Variants in CRB2 observed in about 807,000 individuals in gnomAD.
The protein encoded by CRB2 is protein crumbs homolog 2.
In CRB2, 85 loss-of-function variants were observed where a neutral mutation model predicts 110.9. The ratio of observed to expected loss-of-function variants is 0.77; its 90% CI spans 0.64 to 0.92. The LOEUF (loss-of-function observed/expected upper bound fraction) is 0.92, where lower values mean the gene tolerates loss of function less well. Ranked by LOEUF, CRB2 falls within the 40% of genes least tolerant of loss-of-function variation. The pLI is 0.00. For missense variants in CRB2, 1,843 were observed against 1,851.3 expected (o/e 1.00, Z 0.08); for synonymous variants, 907 against 831.0 (o/e 1.09, Z -1.57).
In CRB2 at chr9:123,373,775, T is replaced by G. The variant is rs1425817084; in HGVS notation, c.3244T>G (p.Cys1082Gly). The part of the protein sequence containing the change: ...RDLFDAFACA[C>G]GPGWEGPRCE... ...CCTCTTCGACGCCTTTGCCTGCGCCTGCGGCCCGGGGTGGGAAGGCCCGCG... is the reference window on the plus strand; with the variant it reads ...CCTCTTCGACGCCTTTGCCTGCGCCGGCGGCCCGGGGTGGGAAGGCCCGCG... Residue 1082 changes from cysteine to glycine, a missense_variant, in exon 10 of 13, where the codon TGC becomes GGC. Physicochemically the swap from Cys to Gly is radical, Grantham distance 159. Coordinates refer to ENST00000373631, the MANE Select transcript of CRB2 (RefSeq NM_173689.7). The G allele has an allele frequency of 6.3e-7, 1 of 1,590,880 alleles. No individual in the cohort carries two copies. Among genetic ancestry groups the G allele is most frequent in the East Asian group, 2.3e-5 (1 of 44,052 alleles).
At chr9:123,358,063 C>T (rs959072750) in intron 1 of CRB2, among the ~76,000 whole-genome samples, 1 of 152,206 alleles carries the variant, frequency 6.6e-6, no homozygotes. Flanking sequence ...CCTGGGGATC[C>T]CTAAAAGTTG....
intron 6 of CRB2, chr9:123,369,064 G>A (rs2041978200): frequency 1.4e-6 from 1 of 719,754 alleles, no homozygotes; most frequent in Non-Finnish European, 1.8e-6. Context: ...GACTTCTCTG[G>A]GCCTGGGTTC....
rs770602267 is a variant in CRB2, at chr9:123,366,129, G to T, written c.614+17G>T. 2 of 1,404,738 alleles carry T rather than the reference G, an allele frequency of 1.4e-6. No individual in the cohort carries two copies. Among genetic ancestry groups the T allele is most frequent in the South Asian group, 3.1e-5 (2 of 63,540 alleles). 87.0% of individuals were successfully genotyped at this position (1,404,738 alleles called of 1,614,324 possible). A position where few individuals can be genotyped will look rare whatever the true frequency, so the allele number is the denominator to read the frequency against. On this transcript the variant is annotated intron_variant, in intron 3 of 12. Transcript: ENST00000373631. ...GGTCAACGGGTGAGCGAGCGGCGGG[G>T]CAGGCGGCAGGGGCGCCGGGTGCCC...
In CRB2 at chr9:123,377,092, G is replaced by A; in HGVS notation, c.*30G>A. Reference sequence around the variant, plus strand: ...GCCTGGCTGCTGGCACCAGCACCTGGAGGTCCTGAATGGTTTCTACCTGGA... The same window carrying A: ...GCCTGGCTGCTGGCACCAGCACCTGAAGGTCCTGAATGGTTTCTACCTGGA... On this transcript the variant is annotated 3_prime_UTR_variant, in exon 13 of 13. Transcript: ENST00000373631. The A allele has an allele frequency of 3.3e-6, 5 of 1,502,944 alleles. No individual in the cohort carries two copies. Among genetic ancestry groups the A allele is most frequent in the Non-Finnish European group, 4.5e-6 (5 of 1,122,382 alleles). The allele number at this position is 1,502,944 out of a possible 1,614,324, so 93.1% of individuals were successfully genotyped here.
chr9:123,365,116 A>G (rs2041914154), intron 2 of CRB2, among the ~76,000 whole-genome samples: 1 of 152,088 alleles, frequency 6.6e-6, no homozygotes, highest in South Asian at 2.1e-4. Context: ...TACAAAAATT[A>G]GCCGGGTGAG....
At position 123,373,772 on chromosome 9, in the gene CRB2, G is replaced by A. The variant is rs761238558; in HGVS notation, c.3241G>A (p.Ala1081Thr). ...TGACCTCTTCGACGCCTTTGCCTGC[G>A]CCTGCGGCCCGGGGTGGGAAGGCCC... ...CRDLFDAFAC[A>T]CGPGWEGPRC... Residue 1081 changes from alanine to threonine, a missense_variant, in exon 10 of 13, where the codon GCC becomes ACC. Ala to Thr is a moderately conservative substitution (Grantham distance 58). Transcript: ENST00000373631. 4.4e-6 allele frequency: 7 copies of A among 1,590,476 alleles called. No individual in the cohort carries two copies. Among genetic ancestry groups the A allele is most frequent in the African/African-American group, 4.1e-5 (3 of 73,438 alleles).
chr9:123,366,207 C>T lies in CRB2; in HGVS notation c.615-20C>T, dbSNP rs1395203128. On this transcript the variant is annotated intron_variant, in intron 3 of 12. Coordinates refer to ENST00000373631, the MANE Select transcript of CRB2 (RefSeq NM_173689.7). The stretch of plus-strand genomic sequence containing the variant: ...GAAGGGGCAGGCGCGCGCTCAGCTC[C>T]GCCGGTGCGCCCTCCCCAGGTTCCG... The T allele has an allele frequency of 1.4e-6, 2 of 1,407,438 alleles. No homozygotes were observed. The highest frequency in any genetic ancestry group is 1.8e-6 in the Non-Finnish European group (2 of 1,090,984). 87.2% of individuals were successfully genotyped at this position (1,407,438 alleles called of 1,614,324 possible). A position where few individuals can be genotyped will look rare whatever the true frequency, so the allele number is the denominator to read the frequency against.
At position 123,363,150 on chromosome 9, in the gene CRB2, C is replaced by A; in HGVS notation, c.380C>A (p.Ala127Asp). The change falls in exon 2 of 13, where the codon GCC becomes GAC. Residue 127 changes from alanine (A) to aspartate (D), a missense_variant. Coordinates refer to ENST00000373631, the MANE Select transcript of CRB2 (RefSeq NM_173689.7). ...CATGGGGCCACCTGCCGCAACCTGG[C>A]CGATCGCTACGAGTGCCATTGCCCC... Reference protein sequence around the residue: ...CHHGATCRNLADRYECHCPLG... With the variant: ...CHHGATCRNLDDRYECHCPLG... 1 of 1,610,364 alleles carries A rather than the reference C, an allele frequency of 6.2e-7. No individual in the cohort carries two copies. Among genetic ancestry groups the A allele is most frequent in the East Asian group, 2.2e-5 (1 of 44,836 alleles).
chr9:123,372,137 C>T, intron 8 of CRB2, 40 bp from the exon 9 acceptor site: 1 of 1,603,706 alleles, frequency 6.2e-7, no homozygotes, highest in South Asian at 1.1e-5. Flanking sequence ...GTGATGCTCA[C>T]TGCAGTCCTG....
intron 6 of CRB2, among the ~76,000 whole-genome samples, 176 bp downstream of exon 6, chr9:123,367,862 C>T (rs2041960490): frequency 1.3e-5 from 2 of 152,048 alleles, no homozygotes; most frequent in South Asian, 2.1e-4. Flanking sequence ...GGAGGTGAGA[C>T]TGGGGCTCAG....
At chr9:123,357,174 C>G (rs906346678) in intron 1 of CRB2, among the ~76,000 whole-genome samples, 7 of 152,098 alleles carry the variant, frequency 4.6e-5, no homozygotes, top group African/African-American at 1.7e-4. Flanking sequence ...TCTGAAAGGG[C>G]TCCCTGAAGC....
intron 3 of CRB2, 28 bp downstream of exon 3, chr9:123,366,140 G>A (rs1341870118): frequency 1.0e-5 from 14 of 1,387,002 alleles, no homozygotes; most frequent in Non-Finnish European, 1.3e-5. Context: ...CAGGCGGCAG[G>A]GGCGCCGGGT....
intron 1 of CRB2, among the ~76,000 whole-genome samples, chr9:123,362,355 T>TG (rs1346941401): frequency 1.3e-5 from 2 of 151,990 alleles, no homozygotes; most frequent in Non-Finnish European, 2.9e-5. Context: ...CTTGGATGGA[T>TG]GGGGCCTGCA....
At position 123,377,474 on chromosome 9, in the gene CRB2, T is replaced by C. The variant is rs1365691016; in HGVS notation, c.*412T>C. On this transcript the variant is annotated 3_prime_UTR_variant, in exon 13 of 13. Transcript: ENST00000373631. ...GTCTGCCGTGTTTACTGTGTGTCTA[T>C]GACTGTGATGGGTGTAGCTGATCCC... is the stretch of plus-strand genomic sequence containing the variant. 1.2e-5 allele frequency: 2 copies of C among 166,192 alleles called. No homozygotes were observed. The highest frequency in any genetic ancestry group is 2.6e-5 in the Non-Finnish European group (2 of 77,710). The allele number at this position is 166,192 out of a possible 1,614,324, so 10.3% of individuals were successfully genotyped here. A position where few individuals can be genotyped will look rare whatever the true frequency, so the allele number is the denominator to read the frequency against.
At chr9:123,371,752 G>C (rs1226219978) in intron 8 of CRB2, among the ~76,000 whole-genome samples, 174 bp downstream of exon 8, 1 of 152,178 alleles carries the variant, frequency 6.6e-6, no homozygotes, top group Admixed American at 6.5e-5. Context: ...ATTTACATCT[G>C]TCTCTTCAGC....
In CRB2 at chr9:123,371,095, G is replaced by T. The variant is rs2042008854; in HGVS notation, c.1953G>T (p.Leu651Phe). 1.2e-6 allele frequency: 2 copies of T among 1,612,920 alleles called. No individual in the cohort carries two copies. The highest frequency in any genetic ancestry group is 2.7e-5 in the African/African-American group (2 of 74,916). Residue 651 changes from leucine (L) to phenylalanine (F), a missense_variant, in exon 8 of 13, where the codon TTG (leucine) becomes TTT (phenylalanine). Physicochemically the swap from Leu to Phe is conservative, Grantham distance 22. Transcript: ENST00000373631. ...AGATTCCTGCTGCCACCTTTGGCTTGGGAGGCGCCCCAAGCTCTGCCTCCT... is the reference window on the plus strand; with the variant it reads ...AGATTCCTGCTGCCACCTTTGGCTTTGGAGGCGCCCCAAGCTCTGCCTCCT... ...ADEIPAATFG[L>F]GGAPSSASFL... is the part of the protein sequence containing the mutation.
chr9:123,373,547 C>T lies in CRB2; in HGVS notation c.3016C>T (p.Leu1006=), dbSNP rs777926255. 1.5e-5 allele frequency: 23 copies of T among 1,487,432 alleles called. 1 individual carries two copies. Among genetic ancestry groups the T allele is most frequent in the Middle Eastern group, 1.8e-4 (1 of 5,612 alleles). The allele number at this position is 1,487,432 out of a possible 1,614,324, so 92.1% of individuals were successfully genotyped here. ...GGGCCCGGGTGCTGTGCGCATCCTG[C>T]TGGCTGAGAACTTCACCGGCTGCTT... ...LQGPGAVRIL[L]AENFTGCLGR... Residue 1006 remains leucine, a synonymous_variant, in exon 10 of 13, where the codon CTG becomes TTG. Coordinates refer to ENST00000373631, the MANE Select transcript of CRB2 (RefSeq NM_173689.7).
intron 4 of CRB2, 124 bp from the exon 5 acceptor site, chr9:123,367,048 C>A: frequency 1.0e-6 from 1 of 976,174 alleles, no homozygotes; most frequent in Non-Finnish European, 1.5e-6. Context: ...GTGTGTCCCT[C>A]CCTCGCCATT....
intron 8 of CRB2, 79 bp from the exon 9 acceptor site, chr9:123,372,098 A>G: frequency 7.0e-7 from 1 of 1,419,688 alleles, no homozygotes; most frequent in Admixed American, 1.7e-5. Flanking sequence ...GTGCTCAGCG[A>G]AGAAGCACTG....
Sources: allele counts gnomAD v4.1 joint callset (sites outside exome capture counted in the v4.1 genomes callset), GRCh38; gene constraint gnomAD v4.1.1; transcripts MANE v1.5; gene names NCBI Gene and HGNC (gene_info 2026-07-23, HGNC 2026-07-21).